FBXO42: variants seen among roughly 807,000 people sequenced by gnomAD.
FBXO42 encodes F-box only protein 42.
A neutral mutation model predicts 71.7 loss-of-function variants in FBXO42; 12 were observed. That is an observed-to-expected ratio of 0.17 (90% CI 0.11 to 0.27). The LOEUF is 0.27. Ranked by LOEUF, FBXO42 falls within the 10% of genes least tolerant of loss-of-function variation. FBXO42 has a pLI of 1.00. For missense variants in FBXO42, 707 were observed against 911.9 expected, an observed-to-expected ratio of 0.78 and a Z score of 2.89; for synonymous variants, 325 against 327.5, an observed-to-expected ratio of 0.99 and a Z score of 0.08.
At position 16,315,189 on chromosome 1, in the gene FBXO42, T is replaced by C. The variant is rs776651386; in HGVS notation, c.230A>G (p.Gln77Arg). ...AGTACCTTTGATAAGTCGATACCACTGTTTGCAGACAAGGGCCGCAGTTTT... is the reference window on the plus strand; with the variant it reads ...AGTACCTTTGATAAGTCGATACCACCGTTTGCAGACAAGGGCCGCAGTTTT... ...EHKTAALVCK[Q>R]WYRLIKGVAH... The change falls in exon 2 of 10, where the codon CAG becomes CGG. Residue 77 changes from glutamine to arginine, a missense_variant. Gln to Arg is a conservative substitution (Grantham distance 43). This residue lies in a region of FBXO42 where 188 missense variants were observed against 230.5 expected (regional missense o/e 0.82). Transcript: ENST00000375592. The C allele has an allele frequency of 5.0e-6, 8 of 1,613,672 alleles. No homozygotes were observed. The East Asian group carries it at 1.1e-4, about 22-fold the overall frequency.
chr1:16,346,793 C>T lies in FBXO42; in HGVS notation c.-18+5462G>A, dbSNP rs372804620. On this transcript the variant is annotated intron_variant, in intron 1 of 9. Coordinates refer to ENST00000375592, the MANE Select transcript of FBXO42 (RefSeq NM_018994.3). Reference sequence around the variant, plus strand: ...TTTCTGAGACAGAGTCTCACTCTGTCGCCCAGGCTGGAGGGCAGTGGAGGG... The same window carrying T: ...TTTCTGAGACAGAGTCTCACTCTGTTGCCCAGGCTGGAGGGCAGTGGAGGG... Among the ~76,000 whole-genome samples the T allele has an allele frequency of 1.5e-3, 218 of 143,798 alleles. 7 individuals are homozygous for T. In the South Asian group the frequency reaches 0.047, roughly 31 times the overall value. 94.3% of individuals were successfully genotyped at this position (143,798 alleles called of 152,430 possible).
chr1:16,298,654 C>T (rs1312786467), intron 3 of FBXO42, among the ~76,000 whole-genome samples: 2 of 151,972 alleles, frequency 1.3e-5, no homozygotes, highest in Non-Finnish European at 2.9e-5. Flanking sequence ...GAATTACAGG[C>T]GCCCACCACC....
At chr1:16,268,250 A>G (rs144573420) in intron 4 of FBXO42, among the ~76,000 whole-genome samples, 134 of 152,324 alleles carry the variant, frequency 8.8e-4, no homozygotes, top group African/African-American at 3.2e-3. Context: ...GAGTGAGCCA[A>G]ACTGAAATAT....
Position 16,315,245 on chromosome 1 carries a change from G to A in FBXO42, c.174C>T (p.Ile58=), listed in dbSNP as rs1044215605. The change falls in exon 2 of 10, where the codon ATC becomes ATT. Residue 58 remains isoleucine, a synonymous_variant. Transcript: ENST00000375592. ...SELPEEVLEY[I]LSFLSPYQEH... Reference sequence around the variant, plus strand: ...CCTGATACGGTGAGAGAAAGGACAGGATATACTCCAAAACCTCTTCTGGCA... The same window carrying A: ...CCTGATACGGTGAGAGAAAGGACAGAATATACTCCAAAACCTCTTCTGGCA... The A allele has an allele frequency of 1.2e-6, 2 of 1,614,118 alleles. No individual in the cohort carries two copies. The highest frequency in any genetic ancestry group is 1.7e-6 in the Non-Finnish European group (2 of 1,180,002).
chr1:16,269,163 G>A (rs2081811334), intron 4 of FBXO42, among the ~76,000 whole-genome samples: 1 of 150,066 alleles, frequency 6.7e-6, no homozygotes, highest in South Asian at 2.1e-4. Flanking sequence ...GGAGTGCAGT[G>A]GTGCAATTTC....
At chr1:16,350,425 A>G (rs1423224039) in intron 1 of FBXO42, among the ~76,000 whole-genome samples, 3 of 151,722 alleles carry the variant, frequency 2.0e-5, no homozygotes, top group Admixed American at 6.6e-5. Context: ...AAATCGACAA[A>G]TTTCTATGGA....
chr1:16,253,489 T>C (rs1264253897), intron 7 of FBXO42, 146 bp downstream of exon 7: 3 of 681,060 alleles, frequency 4.4e-6, no homozygotes, highest in Non-Finnish European at 7.4e-6. Context: ...CATTAGAAGT[T>C]GAAAAATAAA....
chr1:16,319,780 G>A (rs951574111), intron 1 of FBXO42, among the ~76,000 whole-genome samples: 5 of 151,692 alleles, frequency 3.3e-5, no homozygotes, highest in African/African-American at 4.8e-5. Flanking sequence ...GCATGGTGCC[G>A]TGCACCTGTA....
At chr1:16,336,514 C>T (rs947213687) in intron 1 of FBXO42, among the ~76,000 whole-genome samples, 1 of 151,302 alleles carries the variant, frequency 6.6e-6, no homozygotes, top group Non-Finnish European at 1.5e-5. Flanking sequence ...GACACCATCA[C>T]GCCTGGCTAA....
chr1:16,330,521 T>C (rs2082490117), intron 1 of FBXO42, among the ~76,000 whole-genome samples: 1 of 151,380 alleles, frequency 6.6e-6, no homozygotes, highest in East Asian at 2.0e-4. Context: ...AAAAATTAAT[T>C]TATTTGGCCA....
At chr1:16,270,377 A>G (rs993280135) in intron 4 of FBXO42, among the ~76,000 whole-genome samples, 9 of 152,224 alleles carry the variant, frequency 5.9e-5, no homozygotes, top group Admixed American at 2.6e-4. Context: ...AGATGGAGTT[A>G]GGCAGCAGTA....
At chr1:16,274,498 T>TA (rs1202049232) in intron 4 of FBXO42, among the ~76,000 whole-genome samples, 1 of 150,258 alleles carries the variant, frequency 6.7e-6, no homozygotes, top group East Asian at 2.0e-4. Context: ...TATACATATG[T>TA]AAAAAACAAA....
chr1:16,325,589 T>C (rs1052191488), intron 1 of FBXO42, among the ~76,000 whole-genome samples: 2 of 152,162 alleles, frequency 1.3e-5, no homozygotes, highest in Admixed American at 1.3e-4. Context: ...ATTCCCTTAA[T>C]AAAACAGAAA....
At chr1:16,349,084 T>C (rs534433786) in intron 1 of FBXO42, among the ~76,000 whole-genome samples, 1 of 152,300 alleles carries the variant, frequency 6.6e-6, no homozygotes, top group South Asian at 2.1e-4. Flanking sequence ...AAGCCATAAC[T>C]GGGGCATACT....
Position 16,341,609 on chromosome 1 carries a change from T to TA in FBXO42, c.-18+10645dup, listed in dbSNP as rs34904915. ...GGCAACCAAGTGAGACTGCGTCTTT[T>TA]AAAAAAAAAAAAAAAAAAAAAAAAA... On this transcript the variant is annotated intron_variant, in intron 1 of 9. Coordinates refer to ENST00000375592, the MANE Select transcript of FBXO42 (RefSeq NM_018994.3). 1.6e-4 allele frequency among the ~76,000 whole-genome samples: 18 copies of TA among 113,266 alleles called. No homozygotes were observed. The East Asian group carries it at 1.7e-3, about 10-fold the overall frequency. The allele number at this position is 113,266 out of a possible 152,430, so 74.3% of individuals were successfully genotyped here.
intron 4 of FBXO42, among the ~76,000 whole-genome samples, chr1:16,267,562 TATAAC>T (rs1370563086): frequency 1.3e-5 from 2 of 152,178 alleles, no homozygotes; most frequent in Non-Finnish European, 1.5e-5. Flanking sequence ...TCCAGCTACT[TATAAC>T]ATACCCTAGA....
chr1:16,306,479 CCCTTT>C (rs1369165706), intron 2 of FBXO42, among the ~76,000 whole-genome samples: 1 of 151,480 alleles, frequency 6.6e-6, no homozygotes, highest in African/African-American at 2.4e-5. Context: ...TAACTCTAGT[CCCTTT>C]TATTTTATCT....
intron 2 of FBXO42, among the ~76,000 whole-genome samples, chr1:16,306,309 G>GT (rs2100557576): frequency 6.6e-6 from 1 of 152,160 alleles, no homozygotes; most frequent in Non-Finnish European, 1.5e-5. Context: ...GAGCCACCGC[G>GT]CCCAGCCTAT....
chr1:16,352,395 G>C lies in FBXO42; in HGVS notation c.-158C>G. ...GGCTCCTCACAGCTGGCGGGACCCC[G>C]AGCCGCCCGGAGCCGCCATCTTCCT... On this transcript the variant is annotated 5_prime_UTR_variant, in exon 1 of 10. Coordinates refer to ENST00000375592, the MANE Select transcript of FBXO42 (RefSeq NM_018994.3). 2.5e-6 allele frequency: 1 copy of C among 399,572 alleles called. No individual in the cohort carries two copies. The highest frequency in any genetic ancestry group is 4.4e-6 in the Non-Finnish European group (1 of 226,984). 24.8% of individuals were successfully genotyped at this position (399,572 alleles called of 1,614,324 possible).
Sources: allele counts gnomAD v4.1 joint callset (sites outside exome capture counted in the v4.1 genomes callset), GRCh38; gene constraint gnomAD v4.1.1; regional missense constraint gnomAD v4.1.1; transcripts MANE v1.5; gene names NCBI Gene and HGNC (gene_info 2026-07-23, HGNC 2026-07-21).